The following EPHA3 variants were observed in gnomAD, a reference collection of about 807,000 sequenced individuals.
The protein encoded by EPHA3 is EPH receptor A3, also known as ephrin type-A receptor 3.
Under a neutral mutation model 107.1 loss-of-function variants are expected in EPHA3, and 42 were observed. The observed-to-expected ratio is 0.39, with a 90% CI of 0.31 to 0.51. The LOEUF (loss-of-function observed/expected upper bound fraction) is 0.51, where lower values mean the gene tolerates loss of function less well. EPHA3 is among the 20% of genes least tolerant of loss of function. The pLI is 0.78. For missense variants in EPHA3, 1,183 were observed against 1,211.2 expected (o/e 0.98, Z 0.35); for synonymous variants, 461 against 424.8 (o/e 1.09, Z -1.05).
chr3:89,168,502 T>A (rs1293673971), intron 2 of EPHA3, among the ~76,000 whole-genome samples: 1 of 152,136 alleles, frequency 6.6e-6, no homozygotes, highest in Non-Finnish European at 1.5e-5. Flanking sequence ...TTATACCAAA[T>A]TTTTACATGT....
chr3:89,158,219 C>A (rs1343594501), intron 2 of EPHA3, among the ~76,000 whole-genome samples: 2 of 152,044 alleles, frequency 1.3e-5, no homozygotes, highest in East Asian at 3.9e-4. Context: ...AAGATTTAAA[C>A]CTAAACAGCT....
At chr3:89,155,995 A>G (rs1247481294) in intron 2 of EPHA3, among the ~76,000 whole-genome samples, 2 of 152,062 alleles carry the variant, frequency 1.3e-5, no homozygotes, top group Non-Finnish European at 2.9e-5. Context: ...AAGAAATAAC[A>G]GTCTTTATGT....
intron 3 of EPHA3, among the ~76,000 whole-genome samples, chr3:89,321,972 T>A (rs1389436604): frequency 1.3e-5 from 2 of 152,060 alleles, no homozygotes; most frequent in Non-Finnish European, 2.9e-5. Context: ...ATTATCTTAT[T>A]TCTGAGCTTG....
chr3:89,457,018 TA>T, intron 15 of EPHA3, among the ~76,000 whole-genome samples: 1 of 152,206 alleles, frequency 6.6e-6, no homozygotes, highest in African/African-American at 2.4e-5. Context: ...AGAGCAAAAA[TA>T]AAAGGAGTTC....
chr3:89,468,060 G>A (rs903913283), intron 15 of EPHA3, among the ~76,000 whole-genome samples: 4 of 152,112 alleles, frequency 2.6e-5, no homozygotes, highest in Non-Finnish European at 5.9e-5. Context: ...AGATTCCCTT[G>A]GTGCGCATGA....
chr3:89,145,350 A>G (rs1054198844), intron 2 of EPHA3, among the ~76,000 whole-genome samples: 13 of 151,748 alleles, frequency 8.6e-5, no homozygotes, highest in African/African-American at 3.1e-4. Context: ...ATACAAAAAT[A>G]TTTAAAATAA....
chr3:89,473,183 A>T (rs73846189), intron 16 of EPHA3, among the ~76,000 whole-genome samples: 5,175 of 134,538 alleles, frequency 0.038, 293 homozygotes, highest in African/African-American at 0.12. Context: ...TAGGTTTAAG[A>T]TAGAATTTTT....
At chr3:89,297,564 A>C (rs1043930042) in intron 3 of EPHA3, among the ~76,000 whole-genome samples, 1 of 152,190 alleles carries the variant, frequency 6.6e-6, no homozygotes, top group African/African-American at 2.4e-5. Context: ...TAAAAGGTAT[A>C]ATAGTAATGA....
chr3:89,398,269 T>C (rs1708889887), intron 6 of EPHA3, among the ~76,000 whole-genome samples: 1 of 152,200 alleles, frequency 6.6e-6, no homozygotes, highest in Non-Finnish European at 1.5e-5. Flanking sequence ...TACCATTGCT[T>C]GAAATCAGGT....
At position 89,316,054 on chromosome 3, in the gene EPHA3, T is replaced by C. The variant is rs1356996614; in HGVS notation, c.815-24862T>C. ...TTAATATAAATGTAAAAGGCACTCC[T>C]TGAAAAAATAACGCAAAAAATAAGT... On this transcript the variant is annotated intron_variant, in intron 3 of 16. Transcript: ENST00000336596. Among the ~76,000 whole-genome samples, 4 of 151,734 alleles carry C rather than the reference T, an allele frequency of 2.6e-5. No homozygotes were observed. In the Admixed American group the frequency reaches 2.6e-4, roughly 10 times the overall value.
In EPHA3 at chr3:89,197,430, T is replaced by TA. The variant is rs71105120; in HGVS notation, c.154-12420dup. ...AAACATAAAAAAAAACATAAAAACA[T>TA]AAAAAAAAAATAAAAACATAAAAAA... On this transcript the variant is annotated intron_variant, in intron 2 of 16. Transcript: ENST00000336596. Among the ~76,000 whole-genome samples, 42 of 59,982 alleles carry TA rather than the reference T, an allele frequency of 7.0e-4. 1 individual carries two copies. The East Asian group carries it at 9.4e-3, about 13-fold the overall frequency. 39.4% of individuals were successfully genotyped at this position (59,982 alleles called of 152,430 possible). A position where few individuals can be genotyped will look rare whatever the true frequency, so the allele number is the denominator to read the frequency against.
At chr3:89,184,922 G>A (rs1705529293) in intron 2 of EPHA3, among the ~76,000 whole-genome samples, 1 of 152,072 alleles carries the variant, frequency 6.6e-6, no homozygotes, top group Non-Finnish European at 1.5e-5. Flanking sequence ...CCAACAGGGA[G>A]ATTGGCATGT....
At chr3:89,374,483 T>A (rs1461045575) in intron 5 of EPHA3, among the ~76,000 whole-genome samples, 5 of 151,892 alleles carry the variant, frequency 3.3e-5, no homozygotes, top group African/African-American at 1.2e-4. Flanking sequence ...ATGAGCTGAC[T>A]TTTTTCCTCT....
intron 3 of EPHA3, among the ~76,000 whole-genome samples, chr3:89,253,998 T>C (rs1052889719): frequency 2.0e-5 from 3 of 152,048 alleles, no homozygotes; most frequent in African/African-American, 7.2e-5. Flanking sequence ...GCCTCATAAA[T>C]ATATCAATAT....
At chr3:89,400,624 T>TGTGTGA (rs1369745079) in intron 7 of EPHA3, among the ~76,000 whole-genome samples, 1,676 of 148,488 alleles carry the variant, frequency 0.011, 31 homozygotes, top group African/African-American at 0.039. Flanking sequence ...ATTATGTGTG[T>TGTGTGA]GTGTGTGTGA....
chr3:89,353,065 T>A (rs1707866976), intron 5 of EPHA3, among the ~76,000 whole-genome samples: 1 of 151,204 alleles, frequency 6.6e-6, no homozygotes, highest in Admixed American at 6.6e-5. Flanking sequence ...TATGTAGATA[T>A]GACAAAGAAA....
In EPHA3 at chr3:89,419,283, A is replaced by G; in HGVS notation, c.1967A>G (p.Lys656Arg). Residue 656 changes from lysine to arginine, a missense_variant, in exon 11 of 17, where the codon AAA (lysine) becomes AGA (arginine). Lys to Arg is a conservative substitution (Grantham distance 26). Transcript: ENST00000336596. ...KEISVAIKTL[K>R]VGYTEKQRRD... is the part of the protein sequence containing the mutation. ...ATTTCAGTGGCCATTAAGACCCTGA[A>G]AGTTGGCTACACAGAAAAGCAGAGG... 2 of 1,610,622 alleles carry G rather than the reference A, an allele frequency of 1.2e-6. No homozygotes were observed. Among genetic ancestry groups the G allele is most frequent in the Non-Finnish European group, 1.7e-6 (2 of 1,177,824 alleles).
intron 15 of EPHA3, among the ~76,000 whole-genome samples, chr3:89,471,061 GC>G (rs1190768587): frequency 1.3e-5 from 2 of 151,924 alleles, no homozygotes; most frequent in Non-Finnish European, 2.9e-5. Flanking sequence ...ACTACCTTGT[GC>G]CCAAGCTCCC....
rs200071736 is a variant in EPHA3, at chr3:89,419,370, T to C, written c.2054T>C (p.Leu685Pro). ...TTTGACCACCCCAATATCATTCGAC[T>C]GGAAGGAGTTGTTACCAAAAGTAAG... ...GQFDHPNIIR[L>P]EGVVTKSKPV... The change falls in exon 11 of 17, where the codon CTG (leucine) becomes CCG (proline). Residue 685 changes from leucine to proline, a missense_variant. By Grantham distance (98) the Leu-to-Pro change is moderately conservative. Coordinates refer to ENST00000336596, the MANE Select transcript of EPHA3 (RefSeq NM_005233.6). 120 of 1,592,906 alleles carry C rather than the reference T, an allele frequency of 7.5e-5. No homozygotes were observed. Among genetic ancestry groups the C allele is most frequent in the Non-Finnish European group, 1.0e-4 (118 of 1,170,866 alleles).
Sources: gnomAD v4.1 joint callset for allele counts (sites outside exome capture counted in the v4.1 genomes callset) on GRCh38, gnomAD v4.1.1 for gene constraint, MANE v1.5 for transcripts, NCBI Gene and HGNC (gene_info 2026-07-23, HGNC 2026-07-21) for gene names.